Variants in VPS54 observed in about 807,000 individuals in gnomAD.
VPS54 encodes vacuolar protein sorting-associated protein 54.
VPS54 carries 45 observed loss-of-function variants against 121.5 expected under a neutral mutation model. The ratio of observed to expected loss-of-function variants is 0.37; its 90% CI spans 0.29 to 0.47. The LOEUF is 0.47. VPS54 is among the 20% of genes least tolerant of loss of function. The probability of loss-of-function intolerance (pLI) is 0.99; values close to 1 mark genes in which losing one functional copy is unlikely to be tolerated. For missense variants in VPS54, 1,090 were observed against 1,131.4 expected (o/e 0.96, Z 0.52); for synonymous variants, 371 against 385.8 (o/e 0.96, Z 0.45).
chr2:63,984,093 C>A, intron 1 of VPS54, 74 bp from the exon 2 acceptor site: 1 of 1,317,236 alleles, frequency 7.6e-7, no homozygotes, highest in Non-Finnish European at 9.9e-7. Context: ...CACAAATTTT[C>A]TTTCAAAAGC....
intron 9 of VPS54, among the ~76,000 whole-genome samples, chr2:63,946,156 T>G (rs1327680947): frequency 6.6e-6 from 1 of 152,158 alleles, no homozygotes; most frequent in African/African-American, 2.4e-5. Context: ...TACTTTTCTG[T>G]GTCTGGTTTC....
intron 16 of VPS54, among the ~76,000 whole-genome samples, chr2:63,915,666 C>A (rs1015342210): frequency 6.6e-6 from 1 of 152,026 alleles, no homozygotes; most frequent in Non-Finnish European, 1.5e-5. Flanking sequence ...GGAGGGAAAT[C>A]ATAATTATAT....
chr2:63,991,783 A>G (rs776559605), intron 1 of VPS54, among the ~76,000 whole-genome samples: 1 of 152,150 alleles, frequency 6.6e-6, no homozygotes, highest in African/African-American at 2.4e-5. Flanking sequence ...CCAACATTGC[A>G]TTTCCACTTC....
chr2:63,968,945 A>T lies in VPS54; in HGVS notation c.492+12T>A. ...ATTATAAGGCAATTTTCTCATGTTT[A>T]AGCTTTGTTACCTTAGGTACTTGCT... is the stretch of plus-strand genomic sequence containing the variant. On this transcript the variant is annotated intron_variant, in intron 5 of 22. Coordinates refer to ENST00000272322, the MANE Select transcript of VPS54 (RefSeq NM_016516.3). 6.3e-7 allele frequency: 1 copy of T among 1,599,998 alleles called. No homozygotes were observed. Among genetic ancestry groups the T allele is most frequent in the Non-Finnish European group, 8.5e-7 (1 of 1,173,956 alleles).
At chr2:63,982,380 A>C (rs1676838860) in intron 2 of VPS54, among the ~76,000 whole-genome samples, 1 of 152,188 alleles carries the variant, frequency 6.6e-6, no homozygotes, top group African/African-American at 2.4e-5. Context: ...TACAAGAAGG[A>C]AAATTTTACT....
At chr2:63,896,594 C>T (rs1056658835) in intron 22 of VPS54, among the ~76,000 whole-genome samples, 3 of 152,160 alleles carry the variant, frequency 2.0e-5, no homozygotes, top group African/African-American at 4.8e-5. Context: ...TTTCACATAG[C>T]TCTTTGCAAA....
At chr2:63,977,367 G>A (rs753948332) in intron 3 of VPS54, among the ~76,000 whole-genome samples, 3 of 152,178 alleles carry the variant, frequency 2.0e-5, no homozygotes, top group Non-Finnish European at 2.9e-5. Context: ...AGCATTAAAT[G>A]AAGCCTTCAG....
intron 1 of VPS54, among the ~76,000 whole-genome samples, chr2:63,998,192 T>C (rs1677693765): frequency 6.6e-6 from 1 of 152,218 alleles, no homozygotes; most frequent in African/African-American, 2.4e-5. Context: ...TATCATTATA[T>C]GGTGACCTTC....
intron 20 of VPS54, among the ~76,000 whole-genome samples, chr2:63,908,176 CA>C (rs764031426): frequency 4.6e-5 from 7 of 152,158 alleles, no homozygotes; most frequent in Non-Finnish European, 8.8e-5. Context: ...AAATGTCTAT[CA>C]ATTGGTGAAT....
intron 3 of VPS54, among the ~76,000 whole-genome samples, chr2:63,973,274 A>G (rs1458506434): frequency 5.3e-5 from 8 of 152,154 alleles, no homozygotes; most frequent in African/African-American, 1.9e-4. Context: ...CCCTAATGAC[A>G]TTTGATATTT....
chr2:63,973,259 G>C (rs549324768), intron 3 of VPS54, among the ~76,000 whole-genome samples: 1 of 152,228 alleles, frequency 6.6e-6, no homozygotes, highest in South Asian at 2.1e-4. Context: ...TTTTAATTAT[G>C]AATTCCCTAA....
intron 3 of VPS54, among the ~76,000 whole-genome samples, chr2:63,973,032 GAA>G (rs928027161): frequency 1.3e-5 from 2 of 152,154 alleles, no homozygotes; most frequent in Non-Finnish European, 2.9e-5. Context: ...CTGAGAAAGT[GAA>G]GTGTGGTAAC....
intron 2 of VPS54, among the ~76,000 whole-genome samples, chr2:63,982,470 T>C (rs575898353): frequency 8.7e-4 from 132 of 152,332 alleles, no homozygotes; most frequent in South Asian, 1.9e-3. Context: ...CCACTGCTTG[T>C]AGGGAAACTA....
At position 63,916,930 on chromosome 2, in the gene VPS54, A is replaced by G. The variant is rs759124228; in HGVS notation, c.2198T>C (p.Ile733Thr). Residue 733 changes from isoleucine (I) to threonine (T), a missense_variant, in exon 16 of 23, where the codon ATT becomes ACT. Transcript: ENST00000272322. ...TEERKPAEVL[I>T]VEGQQYAVVG... ...AACTGCATACTGTTGTCCCTCGACA[A>G]TAAGAACTTCAGCTGGTTTCCTTTC... 6.2e-6 allele frequency: 10 copies of G among 1,613,674 alleles called. No individual in the cohort carries two copies. Among genetic ancestry groups the G allele is most frequent in the Admixed American group, 1.7e-5 (1 of 60,024 alleles).
At chr2:64,015,431 G>A (rs1380618184) in intron 1 of VPS54, among the ~76,000 whole-genome samples, 1 of 152,068 alleles carries the variant, frequency 6.6e-6, no homozygotes, top group Non-Finnish European at 1.5e-5. Flanking sequence ...CGCCCACTGA[G>A]ACTATTCTCC....
intron 3 of VPS54, chr2:63,975,240 T>C: frequency 2.2e-6 from 1 of 456,668 alleles, no homozygotes; most frequent in Non-Finnish European, 3.9e-6. Flanking sequence ...ACCAACTCCA[T>C]CTTGCTTCTA....
rs1672581508 is a variant in VPS54, at chr2:63,899,411, C to T, written c.2733+63G>A. 4.2e-6 allele frequency: 6 copies of T among 1,430,978 alleles called. No individual in the cohort carries two copies. The South Asian group carries it at 6.4e-5, about 15-fold the overall frequency. The allele number at this position is 1,430,978 out of a possible 1,614,324, so 88.6% of individuals were successfully genotyped here. On this transcript the variant is annotated intron_variant, in intron 21 of 22. Coordinates refer to ENST00000272322, the MANE Select transcript of VPS54 (RefSeq NM_016516.3). ...AACTGCCAAAAGCATGTAAAAACAC[C>T]CCAATTCTGTACAGATATTGTATGT...
At chr2:64,009,101 A>C (rs1208803979) in intron 1 of VPS54, among the ~76,000 whole-genome samples, 1 of 152,124 alleles carries the variant, frequency 6.6e-6, no homozygotes, top group Non-Finnish European at 1.5e-5. Context: ...AAAATTTTAA[A>C]TTATGTCACT....
chr2:63,995,711 G>C lies in VPS54; in HGVS notation c.-20-11692C>G, dbSNP rs564410705. Among the ~76,000 whole-genome samples, 8 of 152,272 alleles carry C rather than the reference G, an allele frequency of 5.3e-5. No individual in the cohort carries two copies. The South Asian group carries it at 1.2e-3, about 24-fold the overall frequency. On this transcript the variant is annotated intron_variant, in intron 1 of 22. Transcript: ENST00000272322. ...GCTTGGAGATCGGGTAGTGAGTCTC[G>C]AACATCACATGCAAATGCAGTGCGA...
Sources: allele counts gnomAD v4.1 joint callset (sites outside exome capture counted in the v4.1 genomes callset), GRCh38; gene constraint gnomAD v4.1.1; transcripts MANE v1.5; gene names NCBI Gene and HGNC (gene_info 2026-07-23, HGNC 2026-07-21).